The following SLC26A2 variants were observed in gnomAD, a reference collection of about 807,000 sequenced individuals.
SLC26A2 encodes sulfate transporter.
A neutral mutation model predicts 41.1 loss-of-function variants in SLC26A2; 36 were observed. The observed-to-expected ratio is 0.88, with a 90% CI of 0.67 to 1.16. The LOEUF (loss-of-function observed/expected upper bound fraction) is 1.16, where lower values mean the gene tolerates loss of function less well. Among genes scored for constraint, SLC26A2 ranks in the 50% most tolerant of loss-of-function variants. The pLI is 0.00. For synonymous variants in SLC26A2, 291 were observed against 311.6 expected, an observed-to-expected ratio of 0.93 and a Z score of 0.70; for missense variants, 796 against 869.6, an observed-to-expected ratio of 0.92 and a Z score of 1.07.
chr5:149,977,425 C>T (rs1755010319), intron 1 of SLC26A2, among the ~76,000 whole-genome samples: 1 of 152,176 alleles, frequency 6.6e-6, no homozygotes, highest in African/African-American at 2.4e-5. Flanking sequence ...TTTGCTTTGA[C>T]TTGGCTGTTT....
chr5:149,970,911 T>C (rs1195037177), intron 1 of SLC26A2, among the ~76,000 whole-genome samples: 1 of 152,232 alleles, frequency 6.6e-6, no homozygotes, highest in Non-Finnish European at 1.5e-5. Context: ...TTCTGATGCA[T>C]TGTGTCTAGC....
chr5:149,986,987 C>T lies in SLC26A2; in HGVS notation c.*5174C>T, dbSNP rs753665671. 2 of 152,168 alleles carry T rather than the reference C, an allele frequency of 1.3e-5. No homozygotes were observed. Among genetic ancestry groups the T allele is most frequent in the Non-Finnish European group, 2.9e-5 (2 of 68,016 alleles). The allele number at this position is 152,168 out of a possible 1,614,324, so 9.4% of individuals were successfully genotyped here. The stretch of plus-strand genomic sequence containing the variant: ...ACATACCAATCTATGTAATAGGCTA[C>T]CTTTTTTTGTCTTCTTTGGAACTTT... On this transcript the variant is annotated 3_prime_UTR_variant, in exon 3 of 3. Coordinates refer to ENST00000286298, the MANE Select transcript of SLC26A2 (RefSeq NM_000112.4).
chr5:149,981,085 T>A lies in SLC26A2; in HGVS notation c.1492T>A (p.Phe498Ile). 6.2e-7 allele frequency: 1 copy of A among 1,614,170 alleles called. No individual in the cohort carries two copies. ...IVNLRGALRK[F>I]RDLPKMWSIS... ...AAATCTACGGGGAGCCCTTCGTAAA[T>A]TTAGGGATCTTCCCAAAATGTGGAG... Residue 498 changes from phenylalanine (F) to isoleucine (I), a missense_variant, in exon 3 of 3, where the codon TTT (phenylalanine) becomes ATT (isoleucine). Physicochemically the swap from Phe to Ile is conservative, Grantham distance 21. Coordinates refer to ENST00000286298, the MANE Select transcript of SLC26A2 (RefSeq NM_000112.4).
At chr5:149,965,283 C>T (rs1018913602) in intron 1 of SLC26A2, among the ~76,000 whole-genome samples, 2 of 151,962 alleles carry the variant, frequency 1.3e-5, no homozygotes, top group African/African-American at 4.8e-5. Context: ...GAGATGAGAC[C>T]ATCCTGGCCA....
chr5:149,981,918 C>A lies in SLC26A2; in HGVS notation c.*105C>A. On this transcript the variant is annotated 3_prime_UTR_variant, in exon 3 of 3. Transcript: ENST00000286298. The stretch of plus-strand genomic sequence containing the variant: ...AATTTTGCACACTTGAAATTTTAAC[C>A]AAGTGGCTAGATATTATTCCTCCTT... 5.2e-6 allele frequency: 4 copies of A among 775,102 alleles called. No homozygotes were observed. Among genetic ancestry groups the A allele is most frequent in the Non-Finnish European group, 8.4e-6 (4 of 473,418 alleles). The allele number at this position is 775,102 out of a possible 1,614,324, so 48.0% of individuals were successfully genotyped here.
chr5:149,979,408 T>G (rs1698146700), intron 2 of SLC26A2, among the ~76,000 whole-genome samples: 1 of 150,468 alleles, frequency 6.6e-6, no homozygotes, highest in South Asian at 2.1e-4. Flanking sequence ...ATAAGTCTAC[T>G]TACTTATTTA....
rs1487264504 is a variant in SLC26A2, at chr5:149,987,311, A to T, written c.*5498A>T. 6.6e-6 allele frequency: 1 copy of T among 152,158 alleles called. No homozygotes were observed. The highest frequency in any genetic ancestry group is 1.5e-5 in the Non-Finnish European group (1 of 68,004). 9.4% of individuals were successfully genotyped at this position (152,158 alleles called of 1,614,324 possible). A position where few individuals can be genotyped will look rare whatever the true frequency, so the allele number is the denominator to read the frequency against. On this transcript the variant is annotated 3_prime_UTR_variant, in exon 3 of 3. Coordinates refer to ENST00000286298, the MANE Select transcript of SLC26A2 (RefSeq NM_000112.4). ...CTTTTCTTCTAGAAGCTTATGTTTT[A>T]TGCTGTTTATTATGTAAGATCCTGT...
rs1186947774 is a variant in SLC26A2, at chr5:149,980,438, G to T, written c.845G>T (p.Gly282Val). ...LLGLNLPRTN[G>V]VGSLITTWIH... The stretch of plus-strand genomic sequence containing the variant: ...GGGCTCAACCTTCCTCGGACTAATG[G>T]TGTGGGCTCACTCATCACTACCTGG... The change falls in exon 3 of 3, where the codon GGT becomes GTT. Residue 282 changes from glycine (G) to valine (V), a missense_variant. By Grantham distance (109) the Gly-to-Val change is moderately radical. Coordinates refer to ENST00000286298, the MANE Select transcript of SLC26A2 (RefSeq NM_000112.4). 1.2e-6 allele frequency: 2 copies of T among 1,613,898 alleles called. No individual in the cohort carries two copies. The highest frequency in any genetic ancestry group is 1.7e-6 in the Non-Finnish European group (2 of 1,180,026).
rs574633759 is a variant in SLC26A2 at position 149,965,388 on chromosome 5, G to A, written c.-26+4409G>A. ...CCAGCTACTCAGGTGGCTGAGGCAG[G>A]AGAATCGCTTGAACCTGGGAGATGG... On this transcript the variant is annotated intron_variant, in intron 1 of 2. Transcript: ENST00000286298. 5.4e-5 allele frequency among the ~76,000 whole-genome samples: 8 copies of A among 148,946 alleles called. No individual in the cohort carries two copies. In the South Asian group the frequency reaches 1.7e-3, roughly 32 times the overall value.
Position 149,981,076 on chromosome 5 carries a change from C to T in SLC26A2, c.1483C>T (p.Leu495Phe), listed in dbSNP as rs747221616. ...VITIVNLRGA[L>F]RKFRDLPKMW... ...CACAATTGTAAATCTACGGGGAGCC[C>T]TTCGTAAATTTAGGGATCTTCCCAA... The change falls in exon 3 of 3, where the codon CTT (leucine) becomes TTT (phenylalanine). Residue 495 changes from leucine (L) to phenylalanine (F), a missense_variant. Leu to Phe is a conservative substitution (Grantham distance 22). Coordinates refer to ENST00000286298, the MANE Select transcript of SLC26A2 (RefSeq NM_000112.4). 1 of 1,614,104 alleles carries T rather than the reference C, an allele frequency of 6.2e-7. No homozygotes were observed. Among genetic ancestry groups the T allele is most frequent in the Non-Finnish European group, 8.5e-7 (1 of 1,180,004 alleles).
At chr5:149,971,438 C>T (rs918969336) in intron 1 of SLC26A2, among the ~76,000 whole-genome samples, 15 of 152,130 alleles carry the variant, frequency 9.9e-5, no homozygotes, top group African/African-American at 3.6e-4. Context: ...CTCATTCTGT[C>T]ACCCAGGCTG....
chr5:149,965,208 C>T (rs977341746), intron 1 of SLC26A2, among the ~76,000 whole-genome samples: 15 of 152,086 alleles, frequency 9.9e-5, no homozygotes, highest in South Asian at 2.1e-4. Flanking sequence ...TGTGGCTGGG[C>T]GCGGTGGCTC....
intron 1 of SLC26A2, chr5:149,962,071 G>A (rs1754722039): frequency 6.6e-6 from 1 of 152,208 alleles, no homozygotes; most frequent in Non-Finnish European, 1.5e-5. Context: ...GCTGGGATCT[G>A]AACAGAGATC....
intron 2 of SLC26A2, among the ~76,000 whole-genome samples, chr5:149,979,562 A>G (rs776867268): frequency 1.3e-5 from 2 of 152,176 alleles, no homozygotes; most frequent in Non-Finnish European, 2.9e-5. Context: ...CCTTTTTGTT[A>G]GTATGTCCCA....
intron 1 of SLC26A2, among the ~76,000 whole-genome samples, chr5:149,968,774 A>G (rs1158452974): frequency 6.8e-6 from 1 of 146,238 alleles, no homozygotes; most frequent in African/African-American, 2.6e-5. Flanking sequence ...GCTGGGGTGC[A>G]GTGGCGCGAT....
rs552562764 is a variant in SLC26A2 at position 149,982,125 on chromosome 5, G to A, written c.*312G>A. The A allele has an allele frequency of 3.4e-6, 1 of 294,096 alleles. No homozygotes were observed. The highest frequency in any genetic ancestry group is 6.3e-6 in the Non-Finnish European group (1 of 158,308). The allele number at this position is 294,096 out of a possible 1,614,324, so 18.2% of individuals were successfully genotyped here. On this transcript the variant is annotated 3_prime_UTR_variant, in exon 3 of 3. Coordinates refer to ENST00000286298, the MANE Select transcript of SLC26A2 (RefSeq NM_000112.4). Reference sequence around the variant, plus strand: ...ACTTAATTACTCTCCTGTTTTAGGGGTTATACATTTGGACTGTGCATTCTC... The same window carrying A: ...ACTTAATTACTCTCCTGTTTTAGGGATTATACATTTGGACTGTGCATTCTC...
rs875989951 is a variant in SLC26A2, at chr5:149,978,026, A to T, written c.374A>T (p.Gln125Leu). 1.9e-6 allele frequency: 3 copies of T among 1,614,130 alleles called. No individual in the cohort carries two copies. The highest frequency in any genetic ancestry group is 2.5e-6 in the Non-Finnish European group (3 of 1,179,964). ...GLIVGILLVPQSIAYSLLAGQ... is the reference protein window; with the variant it reads ...GLIVGILLVPLSIAYSLLAGQ... ...ATTGTGGGCATATTATTGGTGCCCC[A>T]GTCCATTGCTTATTCCCTGCTGGCT... The change falls in exon 2 of 3, where the codon CAG becomes CTG. Residue 125 changes from glutamine to leucine, a missense_variant. Gln to Leu is a moderately radical substitution (Grantham distance 113). Transcript: ENST00000286298.
At chr5:149,963,124 T>TTTA (rs1561809953) in intron 1 of SLC26A2, among the ~76,000 whole-genome samples, 2 of 112,604 alleles carry the variant, frequency 1.8e-5, no homozygotes, top group South Asian at 3.0e-4. Flanking sequence ...TTATTTATTT[T>TTTA]TTGAGATGGA....
At chr5:149,962,909 A>T (rs1754737212) in intron 1 of SLC26A2, among the ~76,000 whole-genome samples, 1 of 152,144 alleles carries the variant, frequency 6.6e-6, no homozygotes, top group South Asian at 2.1e-4. Context: ...AGACACTGAG[A>T]ATACAGCTTT....
Sources: gnomAD v4.1 joint callset for allele counts (sites outside exome capture counted in the v4.1 genomes callset) on GRCh38, gnomAD v4.1.1 for gene constraint, MANE v1.5 for transcripts, NCBI Gene and HGNC (gene_info 2026-07-23, HGNC 2026-07-21) for gene names.